MARF1: variants seen among roughly 807,000 people sequenced by gnomAD.
The protein encoded by MARF1 is limkain-b1.
MARF1 carries 24 observed loss-of-function variants against 168.2 expected under a neutral mutation model. That is an observed-to-expected ratio of 0.14 (90% CI 0.10 to 0.20). The LOEUF (loss-of-function observed/expected upper bound fraction) is 0.20. Among genes scored for constraint, MARF1 ranks in the 10% least tolerant of loss-of-function variants. The probability of loss-of-function intolerance (pLI) is 1.00; values close to 1 mark genes in which losing one functional copy is unlikely to be tolerated. For missense variants in MARF1, 1,744 were observed against 2,143.6 expected, an observed-to-expected ratio of 0.81 and a Z score of 3.68; for synonymous variants, 868 against 822.4, an observed-to-expected ratio of 1.06 and a Z score of -0.95.
chr16:15,636,592 T>A (rs2035614218), intron 2 of MARF1, among the ~76,000 whole-genome samples: 1 of 152,112 alleles, frequency 6.6e-6, no homozygotes, highest in South Asian at 2.1e-4. Flanking sequence ...CAGACTGGGG[T>A]GGGAGGGCCT....
At chr16:15,604,023 C>T (rs1308986818) in intron 22 of MARF1, 145 bp downstream of exon 22, 3 of 656,764 alleles carry the variant, frequency 4.6e-6, no homozygotes, top group Admixed American at 2.8e-5. Context: ...TGCTTCACTG[C>T]CTGAGGTCTC....
At chr16:15,609,100 A>G (rs1462338236) in intron 20 of MARF1, among the ~76,000 whole-genome samples, 1 of 152,134 alleles carries the variant, frequency 6.6e-6, no homozygotes. Flanking sequence ...TTAGCTGGGC[A>G]TGGTGGCGGG....
At chr16:15,642,850 C>T (rs1287535086) in intron 1 of MARF1, among the ~76,000 whole-genome samples, 168 bp downstream of exon 1, 1 of 152,212 alleles carries the variant, frequency 6.6e-6, no homozygotes, top group Non-Finnish European at 1.5e-5. Context: ...CAAGCCAACT[C>T]TTTCGTGGGG....
intron 25 of MARF1, chr16:15,599,315 C>T (rs2032159136): frequency 2.3e-6 from 1 of 444,058 alleles, no homozygotes; most frequent in Non-Finnish European, 4.0e-6. Context: ...AGTCAGCTTC[C>T]AAAGAGAAGG....
chr16:15,602,577 A>T, intron 22 of MARF1: 2 of 478,040 alleles, frequency 4.2e-6, no homozygotes, highest in Non-Finnish European at 8.2e-6. Flanking sequence ...AAGATGAAGA[A>T]GATGAAGATG....
chr16:15,618,051 G>C (rs1352696614), intron 13 of MARF1, among the ~76,000 whole-genome samples: 3 of 152,104 alleles, frequency 2.0e-5, no homozygotes, highest in Non-Finnish European at 4.4e-5. Flanking sequence ...TGGCAGATTT[G>C]AGTTCACATC....
chr16:15,615,662 T>C (rs1235759597), intron 16 of MARF1, among the ~76,000 whole-genome samples, 168 bp downstream of exon 16: 1 of 151,954 alleles, frequency 6.6e-6, no homozygotes, highest in Non-Finnish European at 1.5e-5. Context: ...CAAAGTCCAG[T>C]AACGCCAACC....
intron 20 of MARF1, 186 bp from the exon 21 acceptor site, chr16:15,608,704 C>G (rs2151085056): frequency 3.4e-6 from 2 of 591,238 alleles, no homozygotes; most frequent in South Asian, 4.3e-5. Context: ...ATGTGCTGAC[C>G]ACTACTGGAC....
intron 7 of MARF1, among the ~76,000 whole-genome samples, chr16:15,626,896 G>A (rs750023846): frequency 5.2e-4 from 79 of 151,284 alleles, no homozygotes; most frequent in East Asian, 1.9e-4. Context: ...CCCAGGAGGC[G>A]GAGGTTGCAG....
At chr16:15,607,127 C>T (rs1470277668) in intron 21 of MARF1, among the ~76,000 whole-genome samples, 1 of 152,154 alleles carries the variant, frequency 6.6e-6, no homozygotes, top group African/African-American at 2.4e-5. Context: ...CAGGGATGTT[C>T]GGCTCTCCTG....
intron 22 of MARF1, chr16:15,602,646 G>T: frequency 2.3e-6 from 1 of 442,288 alleles, no homozygotes; most frequent in Non-Finnish European, 4.5e-6. Flanking sequence ...AGAGGAGAAA[G>T]AAAAGGAGGA....
At position 15,633,614 on chromosome 16, in the gene MARF1, T is replaced by C; in HGVS notation, c.1233+3A>G. 6.7e-7 allele frequency: 1 copy of C among 1,492,520 alleles called. No individual in the cohort carries two copies. Among genetic ancestry groups the C allele is most frequent in the Non-Finnish European group, 9.2e-7 (1 of 1,090,436 alleles). The allele number at this position is 1,492,520 out of a possible 1,614,324, so 92.5% of individuals were successfully genotyped here. A position where few individuals can be genotyped will look rare whatever the true frequency, so the allele number is the denominator to read the frequency against. ...TTAAAATTATTAAATTTTTTTTTTT[T>C]ACCTGGCAATTATTCAGCTCTTGAA... On this transcript the variant is annotated splice_donor_region_variant and intron_variant, in intron 5 of 26. Coordinates refer to ENST00000396368, the MANE Select transcript of MARF1 (RefSeq NM_014647.4).
chr16:15,619,153 T>G (rs2034274918), intron 13 of MARF1, among the ~76,000 whole-genome samples: 2 of 152,190 alleles, frequency 1.3e-5, no homozygotes, highest in African/African-American at 4.8e-5. Flanking sequence ...GGCGGATGCC[T>G]GTGGTCCCAG....
At chr16:15,602,533 A>AAGAAGACGAAGACGACGATG (rs2032576286) in intron 22 of MARF1, 1 of 495,470 alleles carries the variant, frequency 2.0e-6, no homozygotes, top group Non-Finnish European at 3.7e-6. Flanking sequence ...AGACGACGAT[A>AAGAAGACGAAGACGACGATG]AAGAAGACGA....
At position 15,640,890 on chromosome 16, in the gene MARF1, T is replaced by G. The variant is rs186038622; in HGVS notation, c.-58-1599A>C. Among the ~76,000 whole-genome samples, 262 of 152,174 alleles carry G rather than the reference T, an allele frequency of 1.7e-3. 1 individual carries two copies. Among genetic ancestry groups the G allele is most frequent in the African/African-American group, 6.1e-3 (252 of 41,514 alleles). ...GCCTATATTTACTACGTGGCTCTTT[T>G]GTCAGCCTGGGCAATATAGCAAGAT... On this transcript the variant is annotated intron_variant, in intron 1 of 26. Transcript: ENST00000396368.
At position 15,614,798 on chromosome 16, in the gene MARF1, A is replaced by AT. The variant is rs929115528; in HGVS notation, c.3253+1031_3253+1032insA. 2.6e-4 allele frequency among the ~76,000 whole-genome samples: 39 copies of AT among 152,130 alleles called. 1 individual carries two copies. Among genetic ancestry groups the AT allele is most frequent in the African/African-American group, 8.7e-4 (36 of 41,524 alleles). ...ACAGAGCAAGACTCCGTCTCAAAAA[A>AT]AAAAAGACAGAGCTTCACTCTTGTC... On this transcript the variant is annotated intron_variant, in intron 16 of 26. Transcript: ENST00000396368.
Position 15,636,152 on chromosome 16 carries a change from G to A in MARF1, c.335C>T (p.Ser112Leu), listed in dbSNP as rs374006441. Residue 112 changes from serine (S) to leucine (L), a missense_variant, in exon 3 of 27, where the codon TCG becomes TTG. Coordinates refer to ENST00000396368, the MANE Select transcript of MARF1 (RefSeq NM_014647.4). ...ACCACCACCACCAAAACGCATTGGCGAAGTGGAGGGTTCATTAGGGCAATG... is the reference window on the plus strand; with the variant it reads ...ACCACCACCACCAAAACGCATTGGCAAAGTGGAGGGTTCATTAGGGCAATG... Reference protein sequence around the residue: ...CAHCPNEPSTSPMRFGGGGGG... With the variant: ...CAHCPNEPSTLPMRFGGGGGG... The A allele has an allele frequency of 4.3e-5, 70 of 1,614,104 alleles. No homozygotes were observed. Among genetic ancestry groups the A allele is most frequent in the Non-Finnish European group, 5.6e-5 (66 of 1,180,044 alleles).
intron 22 of MARF1, 48 bp from the exon 23 acceptor site, chr16:15,602,251 G>T: frequency 6.6e-7 from 1 of 1,526,624 alleles, no homozygotes; most frequent in Non-Finnish European, 9.1e-7. Flanking sequence ...GACTGGCCCT[G>T]CCCCGTGGAA....
chr16:15,622,229 G>A (rs1398295162), intron 11 of MARF1, among the ~76,000 whole-genome samples: 1 of 152,064 alleles, frequency 6.6e-6, no homozygotes, highest in African/African-American at 2.4e-5. Flanking sequence ...CCATTTTTAA[G>A]AATCTACTAA....
Sources: gnomAD v4.1 joint callset for allele counts (sites outside exome capture counted in the v4.1 genomes callset) on GRCh38, gnomAD v4.1.1 for gene constraint, MANE v1.5 for transcripts, NCBI Gene and HGNC (gene_info 2026-07-23, HGNC 2026-07-21) for gene names.